The following JPH3 variants were observed in gnomAD, a reference collection of about 807,000 sequenced individuals.
The protein encoded by JPH3 is junctophilin 3, also known as junctophilin-3.
In JPH3, 11 loss-of-function variants were observed where a neutral mutation model predicts 59.6. That is an observed-to-expected ratio of 0.18 (90% CI 0.12 to 0.31). JPH3 has a LOEUF of 0.31. JPH3 is among the 10% of genes least tolerant of loss of function. JPH3 has a pLI of 1.00. For missense variants in JPH3, 1,202 were observed against 1,105.7 expected (o/e 1.09, Z -1.24); for synonymous variants, 673 against 483.6 (o/e 1.39, Z -5.14).
At chr16:87,627,614 C>T (rs2031425303) in intron 1 of JPH3, among the ~76,000 whole-genome samples, 1 of 152,212 alleles carries the variant, frequency 6.6e-6, no homozygotes, top group East Asian at 1.9e-4. Context: ...CTGCAGCTCC[C>T]AGGCTCTCAT....
intron 1 of JPH3, among the ~76,000 whole-genome samples, chr16:87,642,564 G>T (rs1415214241): frequency 5.3e-5 from 8 of 152,246 alleles, no homozygotes; most frequent in Admixed American, 3.9e-4. Flanking sequence ...CCTCTGGTCT[G>T]CAGCCTGTGC....
Position 87,611,773 on chromosome 16 carries a change from C to T in JPH3, c.382+8245C>T, listed in dbSNP as rs2030739677. Among the ~76,000 whole-genome samples the T allele has an allele frequency of 6.6e-6, 1 of 152,302 alleles. No homozygotes were observed. Among genetic ancestry groups the T allele is most frequent in the African/African-American group, 2.4e-5 (1 of 41,566 alleles). On this transcript the variant is annotated intron_variant, in intron 1 of 4. Transcript: ENST00000284262. This position sits in a 1 kb window ranked among gnomAD's most constrained non-coding sequence, Gnocchi z 4.5. ...GGATGCCACCCAAGAATTTATATTT[C>T]TTACAAATTTCAGGCGATGCTGAGG...
chr16:87,671,686 C>A (rs2033019690), intron 2 of JPH3, among the ~76,000 whole-genome samples: 1 of 152,140 alleles, frequency 6.6e-6, no homozygotes, highest in African/African-American at 2.4e-5. Flanking sequence ...GCTCCCAGTG[C>A]TGGGGTCCCC....
chr16:87,689,067 CG>C lies in JPH3; in HGVS notation c.1286-575del, dbSNP rs2033489476. Among the ~76,000 whole-genome samples the C allele has an allele frequency of 2.0e-5, 3 of 152,124 alleles. No individual in the cohort carries two copies. The South Asian group carries it at 6.2e-4, about 32-fold the overall frequency. On this transcript the variant is annotated intron_variant, in intron 3 of 4. Transcript: ENST00000284262. ...TGGGTCCTGTGGTGACCTCCCCTTC[CG>C]GGGAGCCCCGCCCTAGGACTTGAAG...
chr16:87,663,031 A>G (rs995046000), intron 2 of JPH3, among the ~76,000 whole-genome samples: 1 of 152,044 alleles, frequency 6.6e-6, no homozygotes, highest in Admixed American at 6.5e-5. Context: ...TAAAAACGCC[A>G]TGTTGGGTTG....
At chr16:87,603,760 G>A (rs1173736780) in intron 1 of JPH3, among the ~76,000 whole-genome samples, 1 of 152,226 alleles carries the variant, frequency 6.6e-6, no homozygotes, top group East Asian at 1.9e-4. Context: ...CTTTCCAGGG[G>A]CAGAGCCAGG....
At chr16:87,635,628 G>A (rs1309947863) in intron 1 of JPH3, among the ~76,000 whole-genome samples, 1 of 152,214 alleles carries the variant, frequency 6.6e-6, no homozygotes, top group Non-Finnish European at 1.5e-5. Context: ...GAACAGGAAG[G>A]GAGGGGTACA....
chr16:87,663,633 C>T (rs903138459), intron 2 of JPH3, among the ~76,000 whole-genome samples: 28 of 152,312 alleles, frequency 1.8e-4, no homozygotes, highest in Admixed American at 1.8e-3. Flanking sequence ...ACATAGGATG[C>T]ATACGCACCT....
intron 1 of JPH3, among the ~76,000 whole-genome samples, chr16:87,629,125 T>C (rs3909283): frequency 0.27 from 40,936 of 151,888 alleles, 6,347 homozygotes; most frequent in African/African-American, 0.42. Flanking sequence ...AGTGACTCAC[T>C]TCTCTGAGCC....
chr16:87,637,422 TTG>T (rs35239550), intron 1 of JPH3, among the ~76,000 whole-genome samples: 3,816 of 147,454 alleles, frequency 0.026, 131 homozygotes, highest in African/African-American at 0.085. Context: ...GTGTGTGTGT[TTG>T]TGTGTGTGTG....
intron 2 of JPH3, among the ~76,000 whole-genome samples, chr16:87,669,544 G>T (rs567305384): frequency 2.0e-5 from 3 of 152,292 alleles, no homozygotes; most frequent in South Asian, 4.1e-4. Context: ...ACCCTAGCAC[G>T]GTGCTCACGA....
chr16:87,648,363 C>T (rs1054866520), intron 2 of JPH3, among the ~76,000 whole-genome samples: 4 of 152,202 alleles, frequency 2.6e-5, no homozygotes, highest in South Asian at 2.1e-4. Flanking sequence ...TGAGAGCGGC[C>T]GCACCACGTG....
In JPH3 at chr16:87,603,331, A is replaced by G. The variant is rs887655824; in HGVS notation, c.185A>G (p.Gln62Arg). 6.2e-7 allele frequency: 1 copy of G among 1,612,960 alleles called. No homozygotes were observed. Among genetic ancestry groups the G allele is most frequent in the African/African-American group, 1.3e-5 (1 of 74,902 alleles). ...ACCTGGCCCAGCGGCAACACGTACC[A>G]GGGCACCTGGGCGCAGGGCAAGCGC... ...VYTWPSGNTYQGTWAQGKRHG... is the reference protein window; with the variant it reads ...VYTWPSGNTYRGTWAQGKRHG... Residue 62 changes from glutamine to arginine, a missense_variant, in exon 1 of 5, where the codon CAG becomes CGG. Gln to Arg is a conservative substitution (Grantham distance 43, BLOSUM62 1). Transcript: ENST00000284262.
intron 2 of JPH3, among the ~76,000 whole-genome samples, chr16:87,669,652 G>A (rs921572278): frequency 4.6e-5 from 7 of 152,232 alleles, no homozygotes; most frequent in Non-Finnish European, 8.8e-5. Context: ...GAGGCCTGGC[G>A]TGTGGGGTGG....
chr16:87,655,350 ACAGGG>A (rs1265451827), intron 2 of JPH3, among the ~76,000 whole-genome samples: 1 of 50,022 alleles, frequency 2.0e-5, no homozygotes, highest in Non-Finnish European at 3.7e-5. Flanking sequence ...ATTTTTTGTG[ACAGGG>A]TGTTATTTTT....
chr16:87,665,700 G>C (rs926506413), intron 2 of JPH3, among the ~76,000 whole-genome samples: 13 of 152,346 alleles, frequency 8.5e-5, no homozygotes, highest in South Asian at 4.1e-4. Flanking sequence ...CCACGGCTCA[G>C]CATGGTCTAG....
chr16:87,664,503 T>C (rs1349017398), intron 2 of JPH3, among the ~76,000 whole-genome samples: 1 of 151,664 alleles, frequency 6.6e-6, no homozygotes, highest in Non-Finnish European at 1.5e-5. Flanking sequence ...CATGCGCCTG[T>C]AATCCCAGCT....
chr16:87,614,952 ACGCTGGTCCCTG>A, intron 1 of JPH3, among the ~76,000 whole-genome samples: 1 of 70,658 alleles, frequency 1.4e-5, no homozygotes, highest in Non-Finnish European at 2.7e-5. Context: ...CCCGGGATAA[ACGCTGGTCCCTG>A]CACACACGAG....
At chr16:87,621,494 T>C (rs1207404200) in intron 1 of JPH3, among the ~76,000 whole-genome samples, 3 of 152,154 alleles carry the variant, frequency 2.0e-5, no homozygotes, top group Non-Finnish European at 2.9e-5. Flanking sequence ...GCCTTCTTGC[T>C]CTCAGGAGCG....
Sources: allele counts gnomAD v4.1 joint callset (sites outside exome capture counted in the v4.1 genomes callset), GRCh38; gene constraint gnomAD v4.1.1; non-coding constraint Gnocchi (gnomAD v3.1); transcripts MANE v1.5; gene names NCBI Gene and HGNC (gene_info 2026-07-23, HGNC 2026-07-21).